Variants in SORL1 observed in about 807,000 individuals in gnomAD.
SORL1 encodes sortilin-related receptor.
SORL1 carries 127 observed loss-of-function variants against 273.7 expected under a neutral mutation model. The observed-to-expected ratio is 0.46, with a 90% CI of 0.40 to 0.54. The LOEUF is 0.54. SORL1 is among the 20% of genes least tolerant of loss of function. SORL1 has a pLI of 0.00. For missense variants in SORL1, 2,494 were observed against 2,846.1 expected (o/e 0.88, Z 2.81); for synonymous variants, 1,031 against 1,067.4 (o/e 0.97, Z 0.66).
chr11:121,474,827 A>G (rs1861237079), intron 2 of SORL1, among the ~76,000 whole-genome samples: 1 of 152,250 alleles, frequency 6.6e-6, no homozygotes, highest in African/African-American at 2.4e-5. Flanking sequence ...GGAGCCACCA[A>G]TCCGCTTGAG....
At position 121,595,536 on chromosome 11, in the gene SORL1, C is replaced by T. The variant is rs1417109982; in HGVS notation, c.4370-87C>T. 2.7e-5 allele frequency: 33 copies of T among 1,210,732 alleles called. No individual in the cohort carries two copies. The highest frequency in any genetic ancestry group is 2.0e-4 in the East Asian group (8 of 39,380). 75.0% of individuals were successfully genotyped at this position (1,210,732 alleles called of 1,614,324 possible). On this transcript the variant is annotated intron_variant, in intron 31 of 47. Coordinates refer to ENST00000260197, the MANE Select transcript of SORL1 (RefSeq NM_003105.6). The surrounding 1 kb of genome is among the most constrained non-coding windows in gnomAD (Gnocchi z 5.1). ...GTTCCCATTGTAATTTCTAAAGCAC[C>T]GTAATCTCCTAGCATATTGATTGGT...
At chr11:121,505,455 C>T (rs1186562478) in intron 6 of SORL1, among the ~76,000 whole-genome samples, 2 of 151,262 alleles carry the variant, frequency 1.3e-5, no homozygotes, top group African/African-American at 4.9e-5. Flanking sequence ...TTCATTTATT[C>T]CTACTGTAAT....
In SORL1 at chr11:121,513,001, A is replaced by G; in HGVS notation, c.940-2A>G. On this transcript the variant is annotated splice_acceptor_variant, in intron 6 of 47. Coordinates refer to ENST00000260197, the MANE Select transcript of SORL1 (RefSeq NM_003105.6). LOFTEE classifies it high-confidence loss of function. ...ATTTTTTTTTCTCCTCTTCCTTGGC[A>G]GCATCTCTTGGGCAGTGAACAGCAG... 1 of 1,612,054 alleles carries G rather than the reference A, an allele frequency of 6.2e-7. No homozygotes were observed. The highest frequency in any genetic ancestry group is 8.5e-7 in the Non-Finnish European group (1 of 1,178,210).
intron 14 of SORL1, chr11:121,546,832 A>G (rs1035656478): frequency 6.6e-6 from 1 of 152,208 alleles, no homozygotes; most frequent in Non-Finnish European, 1.5e-5. Flanking sequence ...AGTGCTTCTG[A>G]AACTTTAAGG....
intron 31 of SORL1, 126 bp downstream of exon 31, chr11:121,591,282 A>G (rs555867186): frequency 7.1e-5 from 67 of 947,520 alleles, no homozygotes; most frequent in Middle Eastern, 6.7e-4. Flanking sequence ...CTGTGTGGCC[A>G]GGTTGCCTGT....
chr11:121,526,802 G>C (rs1862130086), intron 11 of SORL1, among the ~76,000 whole-genome samples: 1 of 152,058 alleles, frequency 6.6e-6, no homozygotes, highest in Non-Finnish European at 1.5e-5. Flanking sequence ...CTGTGACCTT[G>C]CTAAGGTAAT....
At chr11:121,523,232 A>G (rs541338677) in intron 11 of SORL1, among the ~76,000 whole-genome samples, 1 of 152,210 alleles carries the variant, frequency 6.6e-6, no homozygotes, top group Non-Finnish European at 1.5e-5. Flanking sequence ...TATGAGTTCT[A>G]TGAGGGCAAA....
chr11:121,465,424 A>AAT (rs1291346497), intron 1 of SORL1, among the ~76,000 whole-genome samples: 1 of 152,130 alleles, frequency 6.6e-6, no homozygotes, highest in Admixed American at 6.5e-5. Flanking sequence ...ACATCTTTCT[A>AAT]GCTACCGTCA....
intron 27 of SORL1, among the ~76,000 whole-genome samples, chr11:121,587,543 C>T (rs1298258328): frequency 6.6e-6 from 1 of 152,174 alleles, no homozygotes; most frequent in Non-Finnish European, 1.5e-5. Context: ...GGCCCTATCT[C>T]CAAATACAGT....
At chr11:121,574,981 A>T (rs1862906243) in intron 24 of SORL1, among the ~76,000 whole-genome samples, 1 of 151,962 alleles carries the variant, frequency 6.6e-6, no homozygotes, top group Non-Finnish European at 1.5e-5. Context: ...AATTCATTCA[A>T]CTCTGTTATT....
At chr11:121,502,432 G>A (rs957226447) in intron 6 of SORL1, among the ~76,000 whole-genome samples, 7 of 151,962 alleles carry the variant, frequency 4.6e-5, no homozygotes, top group Admixed American at 1.3e-4. Flanking sequence ...CACCATGCCC[G>A]GCCGACAATT....
chr11:121,552,673 A>T lies in SORL1; in HGVS notation c.2267-1264A>T, dbSNP rs563952769. 2.0e-5 allele frequency among the ~76,000 whole-genome samples: 3 copies of T among 152,344 alleles called. No homozygotes were observed. In the South Asian group the frequency reaches 6.2e-4, roughly 32 times the overall value. ...TTCTAAAGTGACCTGGAACCAAAGG[A>T]AAAGAAGGAAAACTTACCTTATTAA... On this transcript the variant is annotated intron_variant, in intron 16 of 47. Coordinates refer to ENST00000260197, the MANE Select transcript of SORL1 (RefSeq NM_003105.6).
intron 8 of SORL1, among the ~76,000 whole-genome samples, chr11:121,516,359 C>T (rs1238915668): frequency 3.9e-5 from 6 of 152,028 alleles, no homozygotes; most frequent in African/African-American, 1.2e-4. Flanking sequence ...ACGAGGGGTA[C>T]GAAAGGAGGA....
intron 12 of SORL1, among the ~76,000 whole-genome samples, chr11:121,538,214 G>T (rs1197879679): frequency 6.2e-5 from 9 of 145,372 alleles, no homozygotes; most frequent in African/African-American, 1.5e-4. Context: ...GGTATCATTT[G>T]CATACCACAG....
chr11:121,467,178 C>T (rs1006111310), intron 1 of SORL1, among the ~76,000 whole-genome samples: 6 of 151,824 alleles, frequency 4.0e-5, no homozygotes, highest in African/African-American at 1.5e-4. Flanking sequence ...TACAGGCACC[C>T]GCCACCACGC....
intron 19 of SORL1, 101 bp downstream of exon 19, chr11:121,557,506 A>G: frequency 2.2e-6 from 2 of 916,922 alleles, no homozygotes; most frequent in Middle Eastern, 2.1e-4. Context: ...GTTTCTCATG[A>G]TGGTGGTTGA....
At position 121,513,066 on chromosome 11, in the gene SORL1, A is replaced by G. The variant is rs1861901984; in HGVS notation, c.1003A>G (p.Met335Val). 1 of 1,614,072 alleles carries G rather than the reference A, an allele frequency of 6.2e-7. No individual in the cohort carries two copies. The highest frequency in any genetic ancestry group is 2.2e-5 in the East Asian group (1 of 44,884). Residue 335 changes from methionine to valine, a missense_variant, in exon 7 of 48, where the codon ATG becomes GTG. Met to Val is a conservative substitution (Grantham distance 21). Transcript: ENST00000260197. Reference sequence around the variant, plus strand: ...CTGGGTCTCCTTTGGCCGGAAGCCCATGAGAGCAGCCCAGTTTGTCACAAG... The same window carrying G: ...CTGGGTCTCCTTTGGCCGGAAGCCCGTGAGAGCAGCCCAGTTTGTCACAAG... Reference protein sequence around the residue: ...QLWVSFGRKPMRAAQFVTRHP... With the variant: ...QLWVSFGRKPVRAAQFVTRHP...
intron 1 of SORL1, among the ~76,000 whole-genome samples, chr11:121,455,947 C>G (rs1591541097): frequency 6.6e-6 from 1 of 150,512 alleles, no homozygotes; most frequent in African/African-American, 2.4e-5. Context: ...GAGCCGAGAT[C>G]GCGCCATTGC....
At chr11:121,524,424 C>T (rs779235591) in intron 11 of SORL1, among the ~76,000 whole-genome samples, 1 of 152,228 alleles carries the variant, frequency 6.6e-6, no homozygotes, top group Non-Finnish European at 1.5e-5. Context: ...CTTGTCCCTG[C>T]CAAGAAGCAA....
Sources: allele counts gnomAD v4.1 joint callset (sites outside exome capture counted in the v4.1 genomes callset), GRCh38; gene constraint gnomAD v4.1.1; non-coding constraint Gnocchi (gnomAD v3.1); transcripts MANE v1.5; gene names NCBI Gene and HGNC (gene_info 2026-07-23, HGNC 2026-07-21).